The following NXPE2 variants were observed in gnomAD, a reference collection of about 807,000 sequenced individuals.
NXPE2 encodes NXPE family member 2.
A neutral mutation model predicts 34.4 loss-of-function variants in NXPE2; 34 were observed. That is an observed-to-expected ratio of 0.99 (90% confidence interval 0.75 to 1.31). The LOEUF (loss-of-function observed/expected upper bound fraction) is 1.31. Among genes scored for constraint, NXPE2 ranks in the 40% most tolerant of loss-of-function variants. The pLI is 0.00. For missense variants in NXPE2, 649 were observed against 672.5 expected, an observed-to-expected ratio of 0.97 and a Z score of 0.39; for synonymous variants, 235 against 231.3, an observed-to-expected ratio of 1.02 and a Z score of -0.15.
chr11:114,800,764 A>G, the NXPE2 span, among the ~76,000 whole-genome samples: 1 of 152,322 alleles, frequency 6.6e-6, no homozygotes, highest in East Asian at 1.9e-4. Flanking sequence ...GTCTGTTTAT[A>G]ACACTGTTTA....
the NXPE2 span, among the ~76,000 whole-genome samples, chr11:114,744,829 C>T: frequency 1.2e-4 from 19 of 152,082 alleles, no homozygotes; most frequent in Middle Eastern, 3.4e-3. Flanking sequence ...AAACAAATCT[C>T]ACAATATTAT....
the NXPE2 span, among the ~76,000 whole-genome samples, chr11:114,503,776 T>C: frequency 6.6e-6 from 1 of 152,168 alleles, no homozygotes; most frequent in South Asian, 2.1e-4. Context: ...AGAACACTGC[T>C]CTCTAGTTTG....
the NXPE2 span, among the ~76,000 whole-genome samples, chr11:114,752,748 G>C: frequency 6.6e-6 from 1 of 152,142 alleles, no homozygotes; most frequent in Non-Finnish European, 1.5e-5. Flanking sequence ...GGCAGTTTCA[G>C]AGTTTTAGAT....
chr11:114,540,839 T>C, the NXPE2 span, among the ~76,000 whole-genome samples: 3 of 18,274 alleles, frequency 1.6e-4, no homozygotes, highest in East Asian at 1.2e-3. Context: ...AAAGCCATCT[T>C]TTTTTTTTTT....
intron 2 of NXPE2, among the ~76,000 whole-genome samples, chr11:114,696,107 C>T (rs555911057): frequency 1.3e-5 from 2 of 151,990 alleles, no homozygotes; most frequent in South Asian, 4.2e-4. Flanking sequence ...GATGCTGAGA[C>T]TGGCAGATCC....
chr11:114,680,014 T>A (rs1434701202), intron 2 of NXPE2, among the ~76,000 whole-genome samples: 1 of 152,196 alleles, frequency 6.6e-6, no homozygotes, highest in Non-Finnish European at 1.5e-5. Flanking sequence ...ATCTCTGTAC[T>A]AGTTGGCACT....
chr11:114,632,877 AT>A, the NXPE2 span, among the ~76,000 whole-genome samples: 1 of 84,282 alleles, frequency 1.2e-5, no homozygotes, highest in Non-Finnish European at 2.0e-5. Context: ...TAATTATATA[AT>A]TATATATTAT....
downstream of NXPE2, among the ~76,000 whole-genome samples, chr11:114,712,058 AG>A (rs1408159784): frequency 1.3e-4 from 20 of 152,238 alleles, no homozygotes; most frequent in African/African-American, 4.8e-4. Context: ...GACATGCAAA[AG>A]AATGAAGCTG....
At chr11:114,678,502 C>A, upstream of NXPE2, 1 of 1,246,700 alleles carries the variant, frequency 8.0e-7, no homozygotes, top group South Asian at 1.4e-5. Flanking sequence ...AACTCCAACC[C>A]TAAGATAAAT....
chr11:114,607,143 G>T, the NXPE2 span, among the ~76,000 whole-genome samples: 1 of 151,944 alleles, frequency 6.6e-6, no homozygotes, highest in Non-Finnish European at 1.5e-5. Context: ...TGCCTCTTGG[G>T]TAACCAGTAT....
At chr11:114,502,314 T>G in the NXPE2 span, among the ~76,000 whole-genome samples, 1 of 152,120 alleles carries the variant, frequency 6.6e-6, no homozygotes, top group Non-Finnish European at 1.5e-5. Flanking sequence ...AATTCTTCAC[T>G]CCCCCCACAA....
chr11:114,635,381 T>G, the NXPE2 span, among the ~76,000 whole-genome samples: 126 of 150,840 alleles, frequency 8.4e-4, no homozygotes, highest in African/African-American at 3.0e-3. Flanking sequence ...CAATGGGGTT[T>G]TCTAGATATA....
At chr11:114,474,485 TC>T in the NXPE2 span, among the ~76,000 whole-genome samples, 12 of 152,168 alleles carry the variant, frequency 7.9e-5, no homozygotes, top group Non-Finnish European at 1.5e-4. Flanking sequence ...AGTCAGTCTT[TC>T]TTGATTAATT....
intron 2 of NXPE2, among the ~76,000 whole-genome samples, chr11:114,684,039 G>C (rs1037161083): frequency 2.0e-5 from 3 of 152,138 alleles, no homozygotes; most frequent in Non-Finnish European, 2.9e-5. Flanking sequence ...GATGGGTTTA[G>C]GTATGAATAG....
the NXPE2 span, among the ~76,000 whole-genome samples, chr11:114,774,729 C>T: frequency 1.3e-4 from 20 of 152,134 alleles, no homozygotes; most frequent in Middle Eastern, 3.2e-3. Context: ...TTTTCCTTCC[C>T]CATCTCTTGC....
At chr11:114,632,668 A>ATATATATTTATATATATAAATT in the NXPE2 span, among the ~76,000 whole-genome samples, 1 of 59,248 alleles carries the variant, frequency 1.7e-5, no homozygotes, top group Non-Finnish European at 2.7e-5. Flanking sequence ...AATATATAGT[A>ATATATATTTATATATATAAATT]TATATATTTA....
chr11:114,608,181 C>T, the NXPE2 span, among the ~76,000 whole-genome samples: 10 of 151,768 alleles, frequency 6.6e-5, 1 homozygote, highest in African/African-American at 1.5e-4. Flanking sequence ...AGTATTGCCT[C>T]GTGGGTAACC....
the NXPE2 span, among the ~76,000 whole-genome samples, chr11:114,667,149 C>A: frequency 1.2e-3 from 186 of 152,198 alleles, no homozygotes; most frequent in Non-Finnish European, 2.3e-3. Flanking sequence ...AAGATATTTA[C>A]GTGAAGATCC....
chr11:114,686,540 C>G (rs958879601), intron 2 of NXPE2, among the ~76,000 whole-genome samples: 2 of 152,092 alleles, frequency 1.3e-5, no homozygotes, highest in Admixed American at 1.3e-4. Context: ...TGGGTTGATT[C>G]CATGACTTTG....
Sources: gnomAD v4.1 joint callset for allele counts (sites outside exome capture counted in the v4.1 genomes callset) on GRCh38, gnomAD v4.1.1 for gene constraint, MANE v1.5 for transcripts, NCBI Gene and HGNC (gene_info 2026-07-23, HGNC 2026-07-21) for gene names.